SMARCD3: variants seen among roughly 807,000 people sequenced by gnomAD.
SMARCD3 encodes SWI/SNF-related matrix-associated actin-dependent regulator of chromatin subfamily D member 3.
In SMARCD3, 14 loss-of-function variants were observed where a neutral mutation model predicts 58.0. That is an observed-to-expected ratio of 0.24 (90% CI 0.16 to 0.38). The LOEUF (loss-of-function observed/expected upper bound fraction) is 0.38. Among genes scored for constraint, SMARCD3 ranks in the 10% least tolerant of loss-of-function variants. SMARCD3 has a pLI of 1.00. For missense variants in SMARCD3, 408 were observed against 636.9 expected (o/e 0.64, Z 3.87); for synonymous variants, 253 against 253.8 (o/e 1.00, Z 0.03).
rs1361083651 is a variant in SMARCD3, at chr7:151,245,074, A to G, written c.290+386T>C. On this transcript the variant is annotated intron_variant, in intron 2 of 12. Transcript: ENST00000262188. The surrounding 1 kb of genome is among the most constrained non-coding windows in gnomAD (Gnocchi z 6.2). Reference sequence around the variant, plus strand: ...GGCCGGCAGGAAGGCTCAGCGGAGAACCACACTTTGGGGAACACAGTCCTA... The same window carrying G: ...GGCCGGCAGGAAGGCTCAGCGGAGAGCCACACTTTGGGGAACACAGTCCTA... Among the ~76,000 whole-genome samples, 1 of 152,134 alleles carries G rather than the reference A, an allele frequency of 6.6e-6. No individual in the cohort carries two copies. Among genetic ancestry groups the G allele is most frequent in the African/African-American group, 2.4e-5 (1 of 41,424 alleles).
Position 151,248,382 on chromosome 7 carries a change from A to G in SMARCD3, c.78+103T>C. On this transcript the variant is annotated intron_variant, in intron 1 of 12. Coordinates refer to ENST00000262188, the MANE Select transcript of SMARCD3 (RefSeq NM_001003801.2). The surrounding 1 kb of genome is among the most constrained non-coding windows in gnomAD (Gnocchi z 6.1). ...CGTGGGCCATGACGCCCCCCACTAG[A>G]GGGGTGGGAGAGCGGGAGCGCCCTC... The G allele has an allele frequency of 1.0e-6, 1 of 989,290 alleles. No individual in the cohort carries two copies. Among genetic ancestry groups the G allele is most frequent in the Non-Finnish European group, 1.6e-6 (1 of 634,068 alleles). 61.3% of individuals were successfully genotyped at this position (989,290 alleles called of 1,614,324 possible).
chr7:151,242,091 C>T lies in SMARCD3; in HGVS notation c.675+46G>A. On this transcript the variant is annotated intron_variant, in intron 6 of 12. Coordinates refer to ENST00000262188, the MANE Select transcript of SMARCD3 (RefSeq NM_001003801.2). This position sits in a 1 kb window ranked among gnomAD's most constrained non-coding sequence, Gnocchi z 4.7. ...GTGCTGGTTCTTCAGGGATTCTGGC[C>T]TGTGGGAGGGTGGCAATTCAAGGGC... 6.4e-7 allele frequency: 1 copy of T among 1,555,382 alleles called. No individual in the cohort carries two copies.
chr7:151,244,399 C>A (rs1346549760), intron 2 of SMARCD3, among the ~76,000 whole-genome samples: 2 of 152,158 alleles, frequency 1.3e-5, no homozygotes, highest in African/African-American at 4.8e-5. Flanking sequence ...GACCCACTAG[C>A]TGCTTCTAAC....
At chr7:151,268,118 A>C (rs1181985305) in intron 2 of SMARCD3, among the ~76,000 whole-genome samples, 3 of 152,196 alleles carry the variant, frequency 2.0e-5, no homozygotes, top group African/African-American at 7.2e-5. Context: ...AGTGGCAGGC[A>C]AGGAAAGCTC....
intron 1 of SMARCD3, chr7:151,275,369 A>T (rs556193378): frequency 2.9e-4 from 169 of 579,316 alleles, no homozygotes; most frequent in African/African-American, 2.4e-3. Flanking sequence ...CTGTGCAGAA[A>T]AAAGGGCCTA....
At chr7:151,247,247 C>T (rs1803313169) in intron 1 of SMARCD3, among the ~76,000 whole-genome samples, 1 of 152,232 alleles carries the variant, frequency 6.6e-6, no homozygotes, top group East Asian at 1.9e-4. Context: ...AAAAACAGTC[C>T]ACGTGTACAG....
intron 2 of SMARCD3, among the ~76,000 whole-genome samples, chr7:151,257,809 T>C (rs1013875643): frequency 6.6e-6 from 1 of 152,000 alleles, no homozygotes; most frequent in South Asian, 2.1e-4. Context: ...CTCTCCACGC[T>C]CACTTCCTCG....
upstream of SMARCD3, among the ~76,000 whole-genome samples, chr7:151,250,292 T>G (rs1284703282): frequency 3.3e-5 from 5 of 151,960 alleles, no homozygotes; most frequent in East Asian, 9.7e-4. Context: ...GAGATCCCCT[T>G]GCTACCAAAT....
chr7:151,259,614 T>TG (rs1324148183), intron 2 of SMARCD3, among the ~76,000 whole-genome samples: 38 of 118,220 alleles, frequency 3.2e-4, no homozygotes, highest in African/African-American at 4.3e-4. Context: ...TTTTTTTTTT[T>TG]TTTTTTTTTT....
At chr7:151,270,190 C>A (rs1795132514) in intron 2 of SMARCD3, among the ~76,000 whole-genome samples, 1 of 152,132 alleles carries the variant, frequency 6.6e-6, no homozygotes, top group South Asian at 2.1e-4. Flanking sequence ...ATAGGAATAA[C>A]TGAAGAGGGA....
rs770510322 is a variant in SMARCD3, at chr7:151,248,554, C to T, written c.9G>A (p.Ala3=). Residue 3 remains alanine (A), a synonymous_variant, in exon 1 of 13, where the codon GCG becomes GCA. Coordinates refer to ENST00000262188, the MANE Select transcript of SMARCD3 (RefSeq NM_001003801.2). This position sits in a 1 kb window ranked among gnomAD's most constrained non-coding sequence, Gnocchi z 6.1. MA[A]DEVAGGARKA... is the part of the protein sequence containing the mutation. ...TGCGCGCCCCTCCGGCAACTTCGTC[C>T]GCGGCCATCGGGGTGGGCTCAGCGG... 66 of 1,613,726 alleles carry T rather than the reference C, an allele frequency of 4.1e-5. No individual in the cohort carries two copies. The highest frequency in any genetic ancestry group is 5.3e-5 in the Non-Finnish European group (62 of 1,179,806).
intron 2 of SMARCD3, among the ~76,000 whole-genome samples, chr7:151,274,840 C>T (rs1337415452): frequency 6.6e-6 from 1 of 152,104 alleles, no homozygotes; most frequent in Non-Finnish European, 1.5e-5. Context: ...GTCCCTGGCT[C>T]AGAAAGGCTT....
intron 2 of SMARCD3, among the ~76,000 whole-genome samples, chr7:151,264,119 C>T (rs1488082845): frequency 6.8e-6 from 1 of 147,328 alleles, no homozygotes; most frequent in African/African-American, 2.6e-5. Flanking sequence ...AGTGCAGTGG[C>T]GTGACCTTGG....
upstream of SMARCD3, among the ~76,000 whole-genome samples, chr7:151,252,736 C>T (rs1014101541): frequency 1.4e-4 from 20 of 140,364 alleles, no homozygotes; most frequent in African/African-American, 2.9e-4. Context: ...CGCTCCGAAG[C>T]CAGGCCAGGG....
Position 151,266,064 on chromosome 7 carries a change from G to T in SMARCD3, c.39+9050C>A, listed in dbSNP as rs1804069734. On this transcript the variant is annotated intron_variant, in intron 2 of 13. Coordinates refer to the SMARCD3 transcript ENST00000356800. The stretch of plus-strand genomic sequence containing the variant: ...GGCTCACGGCAATCTCCACCTCCTG[G>T]TTTCAAGCGATTCTCATGCCTCCGC... Among the ~76,000 whole-genome samples, 4 of 152,096 alleles carry T rather than the reference G, an allele frequency of 2.6e-5. No homozygotes were observed. In the South Asian group the frequency reaches 8.3e-4, roughly 32 times the overall value.
intron 2 of SMARCD3, among the ~76,000 whole-genome samples, chr7:151,259,601 GTTTTTTTTTT>G (rs112223142): frequency 2.7e-4 from 19 of 70,528 alleles, no homozygotes; most frequent in African/African-American, 1.0e-3. Flanking sequence ...CAACCTGAGA[GTTTTTTTTTT>G]TTTTTTTTTT....
At chr7:151,266,031 G>A (rs1422553929) in intron 2 of SMARCD3, among the ~76,000 whole-genome samples, 4 of 151,986 alleles carry the variant, frequency 2.6e-5, no homozygotes, top group African/African-American at 4.8e-5. Flanking sequence ...GTGCAGTGGC[G>A]TGATCTCGGC....
At chr7:151,253,376 C>A (rs1803591099), upstream of SMARCD3, among the ~76,000 whole-genome samples, 1 of 152,196 alleles carries the variant, frequency 6.6e-6, no homozygotes, top group Non-Finnish European at 1.5e-5. Context: ...TGAGCCCTCA[C>A]CCCTACACCT....
chr7:151,241,792 GTC>G lies in SMARCD3; in HGVS notation c.777+83_777+84del, dbSNP rs1246537415. ...AGGATAGGTTTGGGAGGGGAAGGAG[GTC>G]TCTCAAGATGCACCACTTTGGGACC... On this transcript the variant is annotated intron_variant, in intron 7 of 12. Coordinates refer to ENST00000262188, the MANE Select transcript of SMARCD3 (RefSeq NM_001003801.2). The surrounding 1 kb of genome is among the most constrained non-coding windows in gnomAD (Gnocchi z 5.3). The G allele has an allele frequency of 2.9e-6, 4 of 1,392,904 alleles. No individual in the cohort carries two copies. The African/African-American group carries it at 4.3e-5, about 15-fold the overall frequency. The allele number at this position is 1,392,904 out of a possible 1,614,324, so 86.3% of individuals were successfully genotyped here.
Sources: gnomAD v4.1 joint callset for allele counts (sites outside exome capture counted in the v4.1 genomes callset) on GRCh38, gnomAD v4.1.1 for gene constraint, Gnocchi (gnomAD v3.1) non-coding constraint, MANE v1.5 for transcripts, NCBI Gene and HGNC (gene_info 2026-07-23, HGNC 2026-07-21) for gene names.